The following CHCHD3 variants were observed in gnomAD, a reference collection of about 807,000 sequenced individuals.
The protein encoded by CHCHD3 is coiled-coil-helix-coiled-coil-helix domain containing 3.
CHCHD3 carries 20 observed loss-of-function variants against 38.2 expected under a neutral mutation model. That is an observed-to-expected ratio of 0.52 (90% CI 0.37 to 0.76). CHCHD3 has a LOEUF of 0.76. CHCHD3 is among the 30% of genes least tolerant of loss of function. CHCHD3 has a pLI of 0.00. For missense variants in CHCHD3, 245 were observed against 279.2 expected, an observed-to-expected ratio of 0.88 and a Z score of 0.87; for synonymous variants, 82 against 100.0, an observed-to-expected ratio of 0.82 and a Z score of 1.07.
At chr7:133,071,503 C>T (rs1317261778) in intron 1 of CHCHD3, among the ~76,000 whole-genome samples, 1 of 152,040 alleles carries the variant, frequency 6.6e-6, no homozygotes, top group South Asian at 2.1e-4. Context: ...GGGAATGGCA[C>T]GATCAGATTT....
intron 6 of CHCHD3, chr7:132,830,891 C>A (rs1008828860): frequency 6.6e-6 from 1 of 152,064 alleles, no homozygotes; most frequent in African/African-American, 2.4e-5. Flanking sequence ...TTTGCCTCTT[C>A]AATTACTAAG....
intron 2 of CHCHD3, among the ~76,000 whole-genome samples, chr7:133,028,060 C>T (rs987013288): frequency 6.6e-6 from 1 of 152,120 alleles, no homozygotes; most frequent in Admixed American, 6.5e-5. Context: ...AACAACCTGA[C>T]ACTAAAATTT....
At chr7:133,057,821 C>T (rs1814386937) in intron 2 of CHCHD3, among the ~76,000 whole-genome samples, 1 of 151,888 alleles carries the variant, frequency 6.6e-6, no homozygotes, top group African/African-American at 2.4e-5. Context: ...TTTCATTATA[C>T]ACATACATAT....
At chr7:132,881,835 CA>C (rs1387764125) in intron 5 of CHCHD3, among the ~76,000 whole-genome samples, 2 of 152,128 alleles carry the variant, frequency 1.3e-5, no homozygotes, top group Non-Finnish European at 2.9e-5. Flanking sequence ...TCACTGCCAT[CA>C]CAATACAGAA....
At chr7:133,058,792 T>A (rs1022693929) in intron 2 of CHCHD3, among the ~76,000 whole-genome samples, 1 of 152,226 alleles carries the variant, frequency 6.6e-6, no homozygotes. Context: ...TCCCTGTGAC[T>A]GTAGCACACG....
intron 2 of CHCHD3, among the ~76,000 whole-genome samples, chr7:133,049,283 T>C (rs1814078668): frequency 6.6e-6 from 1 of 152,186 alleles, no homozygotes; most frequent in African/African-American, 2.4e-5. Flanking sequence ...ATTAGGACAT[T>C]AACAGCCATA....
chr7:132,959,634 A>G lies in CHCHD3; in HGVS notation c.369+15535T>C, dbSNP rs140416238. On this transcript the variant is annotated intron_variant, in intron 4 of 7. Coordinates refer to ENST00000262570, the MANE Select transcript of CHCHD3 (RefSeq NM_017812.4). ...GCTACTCAGGAGGTTGAGGTGGGAG[A>G]ATCACTTGAACCCTGGAGACAGAGG... 8.5e-3 allele frequency among the ~76,000 whole-genome samples: 1,298 copies of G among 151,846 alleles called. 24 individuals are homozygous for G. Among genetic ancestry groups the G allele is most frequent in the African/African-American group, 0.03 (1,239 of 41,372 alleles).
At chr7:132,855,209 T>C (rs1229338429) in intron 5 of CHCHD3, among the ~76,000 whole-genome samples, 1 of 152,230 alleles carries the variant, frequency 6.6e-6, no homozygotes, top group Non-Finnish European at 1.5e-5. Flanking sequence ...AAGCAGTAGA[T>C]GGTACCCTAC....
At chr7:132,831,520 T>C (rs1246967344) in intron 6 of CHCHD3, among the ~76,000 whole-genome samples, 3 of 152,176 alleles carry the variant, frequency 2.0e-5, no homozygotes, top group African/African-American at 7.2e-5. Context: ...ATACTTTTGA[T>C]AAGGCATGTT....
intron 6 of CHCHD3, among the ~76,000 whole-genome samples, chr7:132,822,801 C>G (rs143973787): frequency 0.014 from 2,077 of 151,508 alleles, 50 homozygotes; most frequent in African/African-American, 0.048. Flanking sequence ...CACTATCCGC[C>G]CCCACCGCGC....
chr7:133,056,093 A>G (rs1814323415), intron 2 of CHCHD3, among the ~76,000 whole-genome samples: 1 of 151,910 alleles, frequency 6.6e-6, no homozygotes, highest in South Asian at 2.1e-4. Context: ...GGCTGCAGTG[A>G]TCTATGATCA....
rs191474029 is a variant in CHCHD3, at chr7:132,902,658, G to C, written c.370-16913C>G. Among the ~76,000 whole-genome samples the C allele has an allele frequency of 4.9e-4, 75 of 152,164 alleles. 1 individual carries two copies. The East Asian group carries it at 0.013, about 26-fold the overall frequency. ...ACAGGAAGGGGAACATCACACACCC[G>C]GGCCTGTTGTGAGGTAGGGGGAGTG... On this transcript the variant is annotated intron_variant, in intron 4 of 7. Coordinates refer to ENST00000262570, the MANE Select transcript of CHCHD3 (RefSeq NM_017812.4).
intron 5 of CHCHD3, among the ~76,000 whole-genome samples, chr7:132,868,709 G>T (rs2117145559): frequency 6.6e-6 from 1 of 152,170 alleles, no homozygotes; most frequent in Middle Eastern, 3.4e-3. Context: ...CCAAAGCCAA[G>T]ACCCCAGAAT....
intron 4 of CHCHD3, among the ~76,000 whole-genome samples, chr7:132,886,592 A>AAT (rs1809220150): frequency 2.0e-5 from 3 of 151,624 alleles, no homozygotes; most frequent in Non-Finnish European, 4.4e-5. Context: ...GTGAATGCTG[A>AAT]ATATATGCCT....
chr7:133,051,726 T>A, intron 2 of CHCHD3, among the ~76,000 whole-genome samples: 1 of 152,222 alleles, frequency 6.6e-6, no homozygotes, highest in East Asian at 1.9e-4. Flanking sequence ...CAATTCTCAT[T>A]TATAAATGTT....
chr7:133,069,532 T>C (rs959314418), intron 2 of CHCHD3, among the ~76,000 whole-genome samples: 4 of 152,156 alleles, frequency 2.6e-5, no homozygotes, highest in African/African-American at 9.7e-5. Context: ...GCTGGACACA[T>C]AGCTGGTGCT....
chr7:132,914,466 C>G (rs1436604144), intron 4 of CHCHD3, among the ~76,000 whole-genome samples: 1 of 152,080 alleles, frequency 6.6e-6, no homozygotes, highest in African/African-American at 2.4e-5. Flanking sequence ...CAAAGTGGCC[C>G]ATAATTAGTA....
At chr7:132,815,533 G>A (rs1378406436) in intron 6 of CHCHD3, 3 of 455,746 alleles carry the variant, frequency 6.6e-6, no homozygotes, top group Admixed American at 4.7e-5. Context: ...TGCCTGAAAT[G>A]AGGGAGAAGT....
intron 3 of CHCHD3, among the ~76,000 whole-genome samples, chr7:133,004,036 C>A (rs1652606246): frequency 6.6e-6 from 1 of 151,892 alleles, no homozygotes; most frequent in South Asian, 2.1e-4. Context: ...CGGTTCACTG[C>A]AACCTCCGCC....
Sources: gnomAD v4.1 joint callset for allele counts (sites outside exome capture counted in the v4.1 genomes callset) on GRCh38, gnomAD v4.1.1 for gene constraint, MANE v1.5 for transcripts, NCBI Gene and HGNC (gene_info 2026-07-23, HGNC 2026-07-21) for gene names.